The following SLC71A1 variants were observed in gnomAD, a reference collection of about 807,000 sequenced individuals.
SLC71A1 encodes the protein hippocampus abundant gene transcript 1.
At chr1:100,070,367 G>A in the SLC71A1 span, among the ~76,000 whole-genome samples, 1 of 152,136 alleles carries the variant, frequency 6.6e-6, no homozygotes, top group Non-Finnish European at 1.5e-5. Flanking sequence ...GGGCCAGTGC[G>A]GCTCCAGTTG....
chr1:100,059,740 A>G, the SLC71A1 span: 3 of 646,300 alleles, frequency 4.6e-6, no homozygotes, highest in Non-Finnish European at 7.3e-6. Flanking sequence ...TAGATAAGCA[A>G]TTGTTTATTT....
At chr1:100,042,843 C>T in the SLC71A1 span, among the ~76,000 whole-genome samples, 9 of 152,206 alleles carry the variant, frequency 5.9e-5, no homozygotes, top group South Asian at 2.1e-4. Flanking sequence ...CTCTTGACTT[C>T]GGGTGATCCA....
the SLC71A1 span, among the ~76,000 whole-genome samples, chr1:100,042,643 T>G: frequency 6.6e-6 from 1 of 152,026 alleles, no homozygotes; most frequent in Admixed American, 6.6e-5. Context: ...GTTTTGCTCT[T>G]GTTGCTCAGG....
the SLC71A1 span, chr1:100,078,472 A>G: frequency 6.2e-6 from 10 of 1,611,878 alleles, no homozygotes; most frequent in Admixed American, 1.7e-5. Context: ...CTGCTGGGGC[A>G]GTAGCAGCCA....
chr1:100,083,122 G>C, the SLC71A1 span: 4 of 152,472 alleles, frequency 2.6e-5, no homozygotes, highest in African/African-American at 9.7e-5. Context: ...CCCTAGAGGA[G>C]AGCTTTATAC....
At chr1:100,067,257 T>C in the SLC71A1 span, among the ~76,000 whole-genome samples, 1 of 152,090 alleles carries the variant, frequency 6.6e-6, no homozygotes, top group African/African-American at 2.4e-5. Flanking sequence ...TTTTATTTTA[T>C]TTTTGAGATG....
the SLC71A1 span, among the ~76,000 whole-genome samples, chr1:100,047,461 T>G: frequency 6.6e-6 from 1 of 152,240 alleles, no homozygotes; most frequent in Non-Finnish European, 1.5e-5. Context: ...TTGCTCTTGT[T>G]GCCCAGGCTG....
At chr1:100,074,515 G>A in the SLC71A1 span, among the ~76,000 whole-genome samples, 2 of 151,870 alleles carry the variant, frequency 1.3e-5, no homozygotes, top group Non-Finnish European at 1.5e-5. Context: ...GGAGGTGGAG[G>A]TTGCAGTGAG....
chr1:100,073,944 A>G, the SLC71A1 span, among the ~76,000 whole-genome samples: 1 of 152,232 alleles, frequency 6.6e-6, no homozygotes. Flanking sequence ...TTCCATTATT[A>G]TTAATATTAT....
At chr1:100,076,930 CT>C in the SLC71A1 span, among the ~76,000 whole-genome samples, 1 of 152,126 alleles carries the variant, frequency 6.6e-6, no homozygotes, top group Admixed American at 6.6e-5. Context: ...TAGAAATGTA[CT>C]GAATAGGAAG....
At chr1:100,044,728 G>A in the SLC71A1 span, among the ~76,000 whole-genome samples, 23 of 152,082 alleles carry the variant, frequency 1.5e-4, no homozygotes, top group Non-Finnish European at 1.2e-4. Context: ...ATGTTGGCCA[G>A]GCTGGACTCA....
chr1:100,066,849 C>T, the SLC71A1 span, among the ~76,000 whole-genome samples: 832 of 151,980 alleles, frequency 5.5e-3, 11 homozygotes, highest in African/African-American at 0.019. Context: ...ATTAGCCGGG[C>T]GAGGTGGCGG....
At chr1:100,073,439 C>T in the SLC71A1 span, among the ~76,000 whole-genome samples, 1 of 152,204 alleles carries the variant, frequency 6.6e-6, no homozygotes, top group Non-Finnish European at 1.5e-5. Flanking sequence ...AGTCCAGGGC[C>T]TTTGCACTTG....
the SLC71A1 span, among the ~76,000 whole-genome samples, chr1:100,059,385 C>T: frequency 3.8e-4 from 57 of 151,706 alleles, no homozygotes; most frequent in East Asian, 0.011. Flanking sequence ...GTCTCGAACT[C>T]CTGACCTAAG....
chr1:100,079,331 C>T, the SLC71A1 span: 1 of 149,490 alleles, frequency 6.7e-6, no homozygotes, highest in East Asian at 1.9e-4. Flanking sequence ...AGATATGTAA[C>T]ACAGCAACAT....
chr1:100,078,871 A>G, the SLC71A1 span: 1 of 188,246 alleles, frequency 5.3e-6, no homozygotes, highest in Non-Finnish European at 1.1e-5. Context: ...GGAGTTGGAG[A>G]CCAGCCTGGG....
chr1:100,050,235 C>T, the SLC71A1 span, among the ~76,000 whole-genome samples: 1 of 152,056 alleles, frequency 6.6e-6, no homozygotes, highest in East Asian at 1.9e-4. Context: ...TGGGCATGTT[C>T]AAGCAGAGGC....
At chr1:100,064,922 A>C in the SLC71A1 span, among the ~76,000 whole-genome samples, 4 of 151,582 alleles carry the variant, frequency 2.6e-5, no homozygotes, top group African/African-American at 9.7e-5. Flanking sequence ...GTCTCACTCT[A>C]TTGCCCAGGC....
At chr1:100,055,770 T>C in the SLC71A1 span, among the ~76,000 whole-genome samples, 1 of 152,168 alleles carries the variant, frequency 6.6e-6, no homozygotes, top group Non-Finnish European at 1.5e-5. Context: ...TTTTGTTTTT[T>C]TGAGACGGAG....
Sources: gnomAD v4.1 joint callset for allele counts (sites outside exome capture counted in the v4.1 genomes callset) on GRCh38, gnomAD v4.1.1 for gene constraint, MANE v1.5 for transcripts, NCBI Gene and HGNC (gene_info 2026-07-23, HGNC 2026-07-21) for gene names.